Variants in SLX4IP observed in about 807,000 individuals in gnomAD.
The protein encoded by SLX4IP is SLX4 interacting protein, also known as protein SLX4IP.
SLX4IP carries 34 observed loss-of-function variants against 32.9 expected under a neutral mutation model. That is an observed-to-expected ratio of 1.03 (90% CI 0.79 to 1.38). The LOEUF (loss-of-function observed/expected upper bound fraction) is 1.38, where lower values mean the gene tolerates loss of function less well. Among genes scored for constraint, SLX4IP ranks in the 40% most tolerant of loss-of-function variants. The probability of loss-of-function intolerance (pLI) is 0.00; values close to 1 mark genes in which losing one functional copy is unlikely to be tolerated. For synonymous variants in SLX4IP, 172 were observed against 171.7 expected, an observed-to-expected ratio of 1.00 and a Z score of -0.01; for missense variants, 444 against 479.0, an observed-to-expected ratio of 0.93 and a Z score of 0.68.
At chr20:10,501,168 G>A (rs1424448561) in intron 2 of SLX4IP, among the ~76,000 whole-genome samples, 1 of 152,082 alleles carries the variant, frequency 6.6e-6, no homozygotes, top group Admixed American at 6.5e-5. Flanking sequence ...GCAAAAATAG[G>A]TGAAAAACAT....
chr20:10,553,292 C>A (rs1305205471), intron 2 of SLX4IP, among the ~76,000 whole-genome samples: 1 of 151,828 alleles, frequency 6.6e-6, no homozygotes, highest in Non-Finnish European at 1.5e-5. Context: ...AGTACTAGAT[C>A]CATCACTATG....
intron 2 of SLX4IP, among the ~76,000 whole-genome samples, chr20:10,477,299 C>A (rs2065483738): frequency 6.6e-6 from 1 of 152,130 alleles, no homozygotes; most frequent in South Asian, 2.1e-4. Flanking sequence ...GTATGCACCA[C>A]CACGCCTGGC....
chr20:10,556,568 G>T (rs1375765484), intron 3 of SLX4IP, among the ~76,000 whole-genome samples: 2 of 151,830 alleles, frequency 1.3e-5, no homozygotes, highest in Non-Finnish European at 2.9e-5. Context: ...TCTTTGTTTT[G>T]GGGGAAGGAT....
At chr20:10,523,657 G>T (rs555852423) in intron 2 of SLX4IP, among the ~76,000 whole-genome samples, 1 of 152,338 alleles carries the variant, frequency 6.6e-6, no homozygotes, top group South Asian at 2.1e-4. Context: ...ACGGTGCCCG[G>T]CACCAAACAC....
At chr20:10,469,025 T>A (rs1213528902) in intron 2 of SLX4IP, among the ~76,000 whole-genome samples, 1 of 152,052 alleles carries the variant, frequency 6.6e-6, no homozygotes, top group Non-Finnish European at 1.5e-5. Context: ...ATACTAACAA[T>A]AGCTTTAAAA....
intron 6 of SLX4IP, among the ~76,000 whole-genome samples, chr20:10,606,346 C>T (rs2066905669): frequency 6.6e-6 from 1 of 152,172 alleles, no homozygotes; most frequent in African/African-American, 2.4e-5. Context: ...AATCCTTTAA[C>T]TTTTGCATAA....
intron 1 of SLX4IP, among the ~76,000 whole-genome samples, chr20:10,451,473 T>A (rs2065241763): frequency 6.6e-6 from 1 of 152,066 alleles, no homozygotes. Context: ...TTTTTCTTGT[T>A]TAAAAAAAGG....
At chr20:10,492,357 T>A (rs745535532) in intron 2 of SLX4IP, among the ~76,000 whole-genome samples, 2 of 152,242 alleles carry the variant, frequency 1.3e-5, no homozygotes, top group African/African-American at 4.8e-5. Context: ...ACCAGCCATA[T>A]GAGAATTTCC....
chr20:10,543,369 A>T (rs1467241840), intron 2 of SLX4IP, among the ~76,000 whole-genome samples: 1 of 152,222 alleles, frequency 6.6e-6, no homozygotes, highest in Non-Finnish European at 1.5e-5. Flanking sequence ...CCAAGTGGAG[A>T]TGCACAGTAG....
intron 2 of SLX4IP, among the ~76,000 whole-genome samples, chr20:10,510,396 A>G (rs913415684): frequency 2.0e-5 from 3 of 152,118 alleles, no homozygotes; most frequent in Non-Finnish European, 4.4e-5. Context: ...CACACCTTTC[A>G]TCCTGGATAA....
At chr20:10,500,113 T>C (rs1743434596) in intron 2 of SLX4IP, among the ~76,000 whole-genome samples, 1 of 150,420 alleles carries the variant, frequency 6.6e-6, no homozygotes, top group South Asian at 2.1e-4. Flanking sequence ...GAATTTATGA[T>C]GTTATGTGTC....
chr20:10,494,786 A>G (rs1044342489), intron 2 of SLX4IP, among the ~76,000 whole-genome samples: 2 of 151,700 alleles, frequency 1.3e-5, no homozygotes, highest in Admixed American at 6.6e-5. Flanking sequence ...AGTTTACTCT[A>G]TTTTAGGCTG....
intron 4 of SLX4IP, among the ~76,000 whole-genome samples, chr20:10,591,994 G>GT (rs1214544829): frequency 6.6e-6 from 1 of 152,066 alleles, no homozygotes; most frequent in African/African-American, 2.4e-5. Context: ...GAAAATGGGT[G>GT]TTTTTTTCTA....
intron 3 of SLX4IP, among the ~76,000 whole-genome samples, chr20:10,559,600 T>C (rs1447409823): frequency 6.6e-6 from 1 of 152,198 alleles, no homozygotes; most frequent in African/African-American, 2.4e-5. Flanking sequence ...GATTTTACTC[T>C]CTTTTTCTAC....
At chr20:10,620,585 G>A (rs540873769) in intron 6 of SLX4IP, among the ~76,000 whole-genome samples, 3 of 151,696 alleles carry the variant, frequency 2.0e-5, no homozygotes, top group African/African-American at 7.3e-5. Flanking sequence ...ACAGAGTCTC[G>A]CTCTGTTGCC....
chr20:10,605,934 TTTCACTTCAAATAAACTA>T (rs1173917685), intron 6 of SLX4IP, among the ~76,000 whole-genome samples: 1 of 152,136 alleles, frequency 6.6e-6, no homozygotes, highest in Non-Finnish European at 1.5e-5. Context: ...TTAGACTCAT[TTTCACTTCAAATAAACTA>T]TTGAAGGCTG....
chr20:10,507,917 T>C (rs2065773019), intron 2 of SLX4IP, among the ~76,000 whole-genome samples: 1 of 150,070 alleles, frequency 6.7e-6, no homozygotes, highest in Admixed American at 6.7e-5. Context: ...TATATATATA[T>C]ATACATATAT....
At chr20:10,554,312 A>C (rs2122494733) in intron 2 of SLX4IP, among the ~76,000 whole-genome samples, 1 of 152,332 alleles carries the variant, frequency 6.6e-6, no homozygotes, top group South Asian at 2.1e-4. Flanking sequence ...GTTCCCTTGC[A>C]TGAATATGGC....
At chr20:10,586,957 T>G (rs966264532) in intron 4 of SLX4IP, among the ~76,000 whole-genome samples, 7 of 151,964 alleles carry the variant, frequency 4.6e-5, no homozygotes. Flanking sequence ...GCCCCAAAAT[T>G]TAAGAACTAG....
Sources: gnomAD v4.1 joint callset for allele counts (sites outside exome capture counted in the v4.1 genomes callset) on GRCh38, gnomAD v4.1.1 for gene constraint, MANE v1.5 for transcripts, NCBI Gene and HGNC (gene_info 2026-07-23, HGNC 2026-07-21) for gene names.